The following ARL13B variants were observed in gnomAD, a reference collection of about 807,000 sequenced individuals.
The protein encoded by ARL13B is ARF like GTPase 13B.
Under a neutral mutation model 56.1 loss-of-function variants are expected in ARL13B, and 36 were observed. The ratio of observed to expected loss-of-function variants is 0.64; its 90% confidence interval spans 0.49 to 0.85. The LOEUF (loss-of-function observed/expected upper bound fraction) is 0.85. Among genes scored for constraint, ARL13B ranks in the 40% least tolerant of loss-of-function variants. The pLI is 0.00. For missense variants in ARL13B, 519 were observed against 507.1 expected (o/e 1.02, Z -0.23); for synonymous variants, 178 against 171.1 (o/e 1.04, Z -0.32).
intron 3 of ARL13B, chr3:94,028,557 A>G (rs2076604183): frequency 6.6e-6 from 1 of 152,220 alleles, no homozygotes; most frequent in Non-Finnish European, 1.5e-5. Context: ...AATAAGAGAT[A>G]AAGTTGTACG....
chr3:94,004,312 T>A (rs2076098873), intron 3 of ARL13B, among the ~76,000 whole-genome samples: 1 of 152,200 alleles, frequency 6.6e-6, no homozygotes, highest in Non-Finnish European at 1.5e-5. Flanking sequence ...GTAAACAGTT[T>A]ATTTTTCTAA....
intron 3 of ARL13B, among the ~76,000 whole-genome samples, chr3:94,026,871 A>G (rs1044916548): frequency 1.3e-5 from 2 of 152,198 alleles, no homozygotes; most frequent in African/African-American, 4.8e-5. Context: ...TAAAAAAGAA[A>G]GAACACTAAC....
chr3:93,990,602 T>C (rs955830152), intron 1 of ARL13B, among the ~76,000 whole-genome samples: 4 of 152,156 alleles, frequency 2.6e-5, no homozygotes, highest in African/African-American at 9.7e-5. Context: ...AAGTTTAGGA[T>C]TTTGGAGCAT....
intron 1 of ARL13B, among the ~76,000 whole-genome samples, chr3:93,987,936 G>A (rs1710548875): frequency 6.6e-6 from 1 of 152,054 alleles, no homozygotes; most frequent in Non-Finnish European, 1.5e-5. Context: ...GTGAACCACT[G>A]CACCCGGCCT....
chr3:94,014,753 C>A (rs2076292422), intron 3 of ARL13B: 11 of 1,612,996 alleles, frequency 6.8e-6, no homozygotes, highest in South Asian at 1.1e-5. Flanking sequence ...TCTTTTCCAG[C>A]AACTTCAAGC....
rs143435132 is a variant in ARL13B at position 94,043,089 on chromosome 3, T to A, written c.873T>A (p.His291Gln). 3 of 1,613,230 alleles carry A rather than the reference T, an allele frequency of 1.9e-6. No homozygotes were observed. The African/African-American group carries it at 4.0e-5, about 22-fold the overall frequency. Residue 291 changes from histidine (H) to glutamine (Q), a missense_variant, in exon 7 of 10, where the codon CAT (histidine) becomes CAA (glutamine). By Grantham distance (24) the His-to-Gln change is conservative (BLOSUM62 0). Transcript: ENST00000394222. ...ACAGTGATGGCTGCCACCTGAAACA[T>A]AAAATGGAGCATGAGCAAATAGAGA... ...EKDSDGCHLK[H>Q]KMEHEQIETQ... is the part of the protein sequence containing the mutation.
rs2077101091 is a variant in ARL13B, at chr3:94,053,650, G to T, written c.*387G>T. 2.3e-6 allele frequency: 1 copy of T among 425,842 alleles called. No homozygotes were observed. Among genetic ancestry groups the T allele is most frequent in the Non-Finnish European group, 4.6e-6 (1 of 215,360 alleles). The allele number at this position is 425,842 out of a possible 1,614,324, so 26.4% of individuals were successfully genotyped here. Reference sequence around the variant, plus strand: ...TCTAGATATTAAATATTTTTTGTAAGATATATGCACATAGAAGGGGGACTT... The same window carrying T: ...TCTAGATATTAAATATTTTTTGTAATATATATGCACATAGAAGGGGGACTT... On this transcript the variant is annotated 3_prime_UTR_variant, in exon 10 of 10. Coordinates refer to ENST00000394222, the MANE Select transcript of ARL13B (RefSeq NM_001174150.2).
chr3:94,050,946 T>C, intron 9 of ARL13B, 54 bp downstream of exon 9: 1 of 1,518,732 alleles, frequency 6.6e-7, no homozygotes, highest in Non-Finnish European at 9.1e-7. Context: ...ACATTCACTT[T>C]TCTTTAGCCT....
intron 3 of ARL13B, among the ~76,000 whole-genome samples, chr3:94,021,967 G>T (rs1489214099): frequency 6.6e-6 from 1 of 151,720 alleles, no homozygotes; most frequent in African/African-American, 2.4e-5. Context: ...ATATATATCT[G>T]ACCCTTACCT....
intron 6 of ARL13B, among the ~76,000 whole-genome samples, chr3:94,040,956 A>G (rs564880017): frequency 1.3e-5 from 2 of 152,346 alleles, no homozygotes; most frequent in South Asian, 4.1e-4. Context: ...GGTGTACGAC[A>G]TAGTATATAT....
rs542911308 is a variant in ARL13B, at chr3:94,044,249, G to A, written c.1024+1009G>A. On this transcript the variant is annotated intron_variant, in intron 7 of 9. Transcript: ENST00000394222. ...TGGCCGCCCATCATCTGGGATGTGA[G>A]GAGCGCCCCTGGCCGGCCGCCCTGT... Among the ~76,000 whole-genome samples, 227 of 149,688 alleles carry A rather than the reference G, an allele frequency of 1.5e-3. 2 individuals are homozygous for A. The highest frequency in any genetic ancestry group is 5.3e-3 in the African/African-American group (215 of 40,526).
chr3:94,017,075 A>G (rs2076349533), intron 3 of ARL13B, among the ~76,000 whole-genome samples: 1 of 152,230 alleles, frequency 6.6e-6, no homozygotes, highest in Non-Finnish European at 1.5e-5. Context: ...AGGGGAACTC[A>G]ATAAACTTCT....
chr3:93,995,054 G>A (rs1258814633), intron 1 of ARL13B, among the ~76,000 whole-genome samples: 1 of 152,120 alleles, frequency 6.6e-6, no homozygotes, highest in Non-Finnish European at 1.5e-5. Flanking sequence ...AATCCATGGT[G>A]GTAATGGACT....
At chr3:94,013,572 A>G (rs1431902748) in intron 3 of ARL13B, among the ~76,000 whole-genome samples, 1 of 152,208 alleles carries the variant, frequency 6.6e-6, no homozygotes, top group East Asian at 1.9e-4. Flanking sequence ...GCTCCCAGTT[A>G]CAAATTAGAT....
At chr3:94,007,343 A>G (rs1183169769) in intron 3 of ARL13B, among the ~76,000 whole-genome samples, 2 of 152,226 alleles carry the variant, frequency 1.3e-5, no homozygotes, top group Admixed American at 6.5e-5. Flanking sequence ...GACAATCTTT[A>G]GTTCTTCTCT....
At chr3:94,045,963 A>C (rs200861307) in intron 7 of ARL13B, among the ~76,000 whole-genome samples, 1 of 146,526 alleles carries the variant, frequency 6.8e-6, no homozygotes, top group Admixed American at 6.9e-5. Context: ...AAAAAAAAAA[A>C]AAAAGAAAAA....
chr3:94,050,489 A>G (rs1350051340), intron 8 of ARL13B, among the ~76,000 whole-genome samples: 2 of 152,162 alleles, frequency 1.3e-5, no homozygotes, highest in Non-Finnish European at 2.9e-5. Context: ...AGAATCTCTT[A>G]TAGACTCATT....
intron 5 of ARL13B, 67 bp from the exon 6 acceptor site, chr3:94,039,813 C>A: frequency 7.6e-7 from 1 of 1,308,968 alleles, no homozygotes; most frequent in Non-Finnish European, 1.1e-6. Flanking sequence ...ATACCTATTG[C>A]AGTTTTCTTT....
intron 6 of ARL13B, among the ~76,000 whole-genome samples, chr3:94,041,466 TA>T (rs1459803776): frequency 2.1e-4 from 32 of 152,238 alleles, no homozygotes; most frequent in African/African-American, 7.5e-4. Context: ...ATAATATAGA[TA>T]AGTCTTTATA....
Sources: gnomAD v4.1 joint callset for allele counts (sites outside exome capture counted in the v4.1 genomes callset) on GRCh38, gnomAD v4.1.1 for gene constraint, MANE v1.5 for transcripts, NCBI Gene and HGNC (gene_info 2026-07-23, HGNC 2026-07-21) for gene names.